ADD2: variants seen among roughly 807,000 people sequenced by gnomAD.
ADD2 encodes adducin 2, also known as beta-adducin.
ADD2 carries 23 observed loss-of-function variants against 83.0 expected under a neutral mutation model. That is an observed-to-expected ratio of 0.28 (90% CI 0.20 to 0.39). The LOEUF (loss-of-function observed/expected upper bound fraction) is 0.39. ADD2 is among the 10% of genes least tolerant of loss of function. The pLI is 1.00. For missense variants in ADD2, 758 were observed against 944.9 expected (o/e 0.80, Z 2.59); for synonymous variants, 375 against 375.4 (o/e 1.00, Z 0.01).
In ADD2 at chr2:70,663,437, T is replaced by A. The variant is rs782601282; in HGVS notation, c.2169A>T (p.Lys723Asn). The A allele has an allele frequency of 1.2e-6, 2 of 1,613,136 alleles. No homozygotes were observed. Among genetic ancestry groups the A allele is most frequent in the Non-Finnish European group, 1.7e-6 (2 of 1,179,740 alleles). The change falls in exon 16 of 16, where the codon AAA (lysine) becomes AAT (asparagine). Residue 723 changes from lysine to asparagine, a missense_variant. Physicochemically the swap from Lys to Asn is moderately conservative, Grantham distance 94. Transcript: ENST00000264436. Reference sequence around the variant, plus strand: ...AGGGTGTCATGAATCAGGACTCCACTTTCTCCTTCTTTTTGCTCTTTTTCA... The same window carrying A: ...AGGGTGTCATGAATCAGGACTCCACATTCTCCTTCTTTTTGCTCTTTTTCA... ...SFLKKSKKKE[K>N]VES
At chr2:70,762,197 T>TA (rs1553385130) in intron 1 of ADD2, among the ~76,000 whole-genome samples, 1 of 151,826 alleles carries the variant, frequency 6.6e-6, no homozygotes, top group Non-Finnish European at 1.5e-5. Flanking sequence ...AATCCAATTA[T>TA]GATGCTTAAA....
intron 1 of ADD2, among the ~76,000 whole-genome samples, chr2:70,746,595 C>T (rs75428586): frequency 0.012 from 1,763 of 152,276 alleles, 37 homozygotes; most frequent in African/African-American, 0.039. Context: ...TTCTAACTCA[C>T]GCAGTCTGAC....
chr2:70,706,167 C>T lies in ADD2; in HGVS notation c.183+59G>A, dbSNP rs1399588925. On this transcript the variant is annotated intron_variant, in intron 3 of 15. Coordinates refer to ENST00000264436, the MANE Select transcript of ADD2 (RefSeq NM_001617.4). This position sits in a 1 kb window ranked among gnomAD's most constrained non-coding sequence, Gnocchi z 5.0. Reference sequence around the variant, plus strand: ...GAGTTACTCATCTTTCGGGTGGGTACACGTCCTGAAGAGCCAGCGCCCCCT... The same window carrying T: ...GAGTTACTCATCTTTCGGGTGGGTATACGTCCTGAAGAGCCAGCGCCCCCT... 12 of 1,570,264 alleles carry T rather than the reference C, an allele frequency of 7.6e-6. No homozygotes were observed. The highest frequency in any genetic ancestry group is 1.0e-5 in the Non-Finnish European group (12 of 1,149,368).
At chr2:70,681,088 C>T (rs1553369452) in intron 10 of ADD2, among the ~76,000 whole-genome samples, 1 of 150,460 alleles carries the variant, frequency 6.6e-6, no homozygotes, top group Admixed American at 6.7e-5. Flanking sequence ...TAAATAATTA[C>T]CAGCTATTAT....
intron 1 of ADD2, among the ~76,000 whole-genome samples, chr2:70,714,295 G>A (rs571298633): frequency 6.6e-5 from 10 of 152,102 alleles, no homozygotes; most frequent in African/African-American, 1.2e-4. Context: ...CCACCCTACC[G>A]CCACCTGCCC....
At chr2:70,712,138 T>G (rs1672211674) in intron 2 of ADD2, among the ~76,000 whole-genome samples, 1 of 152,126 alleles carries the variant, frequency 6.6e-6, no homozygotes, top group Non-Finnish European at 1.5e-5. Flanking sequence ...ATTGTTCCAG[T>G]TTTACTTGAA....
At chr2:70,714,347 A>G (rs1217526760) in intron 1 of ADD2, among the ~76,000 whole-genome samples, 3 of 152,050 alleles carry the variant, frequency 2.0e-5, no homozygotes, top group Non-Finnish European at 4.4e-5. Context: ...CCCTGACCCA[A>G]TGCTGTCCAG....
chr2:70,702,864 C>G (rs184116869), intron 4 of ADD2, among the ~76,000 whole-genome samples: 2 of 152,076 alleles, frequency 1.3e-5, no homozygotes, highest in East Asian at 3.8e-4. Context: ...CGGTGGCTCA[C>G]GTCTGTAATG....
intron 1 of ADD2, among the ~76,000 whole-genome samples, chr2:70,749,553 A>T (rs1464841827): frequency 2.0e-5 from 3 of 152,152 alleles, no homozygotes; most frequent in African/African-American, 7.2e-5. Flanking sequence ...CAGCTAAAAA[A>T]AAAACCGCAT....
At chr2:70,704,263 T>TGCCCCCCCCCCCCCCCCCCCCCCCACCCC in intron 4 of ADD2, 58 bp downstream of exon 4, 1 of 913,238 alleles carries the variant, frequency 1.1e-6, no homozygotes. Context: ...CTCCCTCTCT[T>TGCCCCCCCCCCCCCCCCCCCCCCCACCCC]CCCCACCCCA....
At chr2:70,687,669 G>A (rs2074816) in intron 9 of ADD2, among the ~76,000 whole-genome samples, 44,074 of 151,910 alleles carry the variant, frequency 0.29, 6,751 homozygotes, top group East Asian at 0.44. Context: ...AGGTGCAACA[G>A]GTATACCCCA....
intron 1 of ADD2, among the ~76,000 whole-genome samples, chr2:70,736,798 T>C (rs1394822660): frequency 6.6e-6 from 1 of 151,524 alleles, no homozygotes; most frequent in South Asian, 2.1e-4. Flanking sequence ...TTAAGTTGAA[T>C]GAATGCTCGA....
At chr2:70,672,066 C>T (rs1420838553) in intron 15 of ADD2, among the ~76,000 whole-genome samples, 1 of 152,144 alleles carries the variant, frequency 6.6e-6, no homozygotes, top group Non-Finnish European at 1.5e-5. Flanking sequence ...TTATTTAAGT[C>T]CTGCTTTTAC....
Position 70,688,057 on chromosome 2 carries a change from C to T in ADD2, c.915G>A (p.Lys305=), listed in dbSNP as rs1053341386. The change falls in exon 9 of 16, where the codon AAG becomes AAA. Residue 305 remains lysine (K), a synonymous_variant. Transcript: ENST00000264436. ...LGDTVEEAFY[K]IFHLQAACEI... ...CACATGCAGCCTGCAGGTGGAAGAT[C>T]TTGTAAAATGCCTCCTCTACCGTGT... The T allele has an allele frequency of 1.2e-6, 2 of 1,614,202 alleles. No individual in the cohort carries two copies. Among genetic ancestry groups the T allele is most frequent in the East Asian group, 4.5e-5 (2 of 44,882 alleles).
intron 4 of ADD2, among the ~76,000 whole-genome samples, chr2:70,702,508 A>T (rs1367455718): frequency 6.6e-6 from 1 of 152,190 alleles, no homozygotes; most frequent in East Asian, 1.9e-4. Context: ...ACAGTTGAGG[A>T]AAATTGACAA....
intron 4 of ADD2, 56 bp downstream of exon 4, chr2:70,704,265 C>CCCCCCCCCCCCCCCCCCCA: frequency 4.5e-6 from 2 of 442,438 alleles, no homozygotes; most frequent in Non-Finnish European, 9.1e-6. Context: ...CCCTCTCTTC[C>CCCCCCCCCCCCCCCCCCCA]CCACCCCACC....
intron 1 of ADD2, among the ~76,000 whole-genome samples, chr2:70,717,089 C>G (rs893288417): frequency 9.9e-5 from 15 of 152,114 alleles, no homozygotes; most frequent in Admixed American, 7.9e-4. Flanking sequence ...ACCCTCCTCT[C>G]TGCACAGAGG....
intron 1 of ADD2, among the ~76,000 whole-genome samples, chr2:70,749,849 C>T: frequency 6.6e-6 from 1 of 152,180 alleles, no homozygotes. Flanking sequence ...CTGCACCAGC[C>T]CCGGGTTGCC....
At chr2:70,723,557 T>C (rs999237923) in intron 1 of ADD2, among the ~76,000 whole-genome samples, 8 of 152,062 alleles carry the variant, frequency 5.3e-5, no homozygotes, top group Non-Finnish European at 8.8e-5. Flanking sequence ...CTACAAGACA[T>C]AGGTAGATTT....
Sources: gnomAD v4.1 joint callset for allele counts (sites outside exome capture counted in the v4.1 genomes callset) on GRCh38, gnomAD v4.1.1 for gene constraint, Gnocchi (gnomAD v3.1) non-coding constraint, MANE v1.5 for transcripts, NCBI Gene and HGNC (gene_info 2026-07-23, HGNC 2026-07-21) for gene names.